TAF4B: variants seen among roughly 807,000 people sequenced by gnomAD.
TAF4B encodes TATA-box binding protein associated factor 4b.
TAF4B carries 38 observed loss-of-function variants against 86.4 expected under a neutral mutation model. That is an observed-to-expected ratio of 0.44 (90% CI 0.34 to 0.58). TAF4B has a LOEUF of 0.58. Among genes scored for constraint, TAF4B ranks in the 20% least tolerant of loss-of-function variants. The pLI, the probability that TAF4B is intolerant of heterozygous loss-of-function variation, is 0.02. For synonymous variants in TAF4B, 388 were observed against 391.2 expected, an observed-to-expected ratio of 0.99 and a Z score of 0.10; for missense variants, 988 against 1,027.6, an observed-to-expected ratio of 0.96 and a Z score of 0.53.
chr18:26,281,235 G>T (rs1399201111), intron 5 of TAF4B, among the ~76,000 whole-genome samples: 1 of 151,760 alleles, frequency 6.6e-6, no homozygotes, highest in African/African-American at 2.4e-5. Context: ...CCCCAAACTT[G>T]TACTTGTACC....
chr18:26,306,724 A>C (rs1319132572), intron 9 of TAF4B, among the ~76,000 whole-genome samples: 3 of 152,070 alleles, frequency 2.0e-5, no homozygotes, highest in African/African-American at 7.2e-5. Context: ...ATGTCTTTTT[A>C]AATTTAATTT....
At chr18:26,249,078 A>G (rs2055964645) in intron 1 of TAF4B, among the ~76,000 whole-genome samples, 1 of 151,598 alleles carries the variant, frequency 6.6e-6, no homozygotes, top group Admixed American at 6.6e-5. Context: ...AGGCTGAGGC[A>G]GGAGGATCAC....
intron 9 of TAF4B, among the ~76,000 whole-genome samples, chr18:26,302,096 A>G (rs1055715032): frequency 6.6e-6 from 1 of 152,068 alleles, no homozygotes; most frequent in African/African-American, 2.4e-5. Flanking sequence ...CAATTGTCTG[A>G]TTGTTTTGAG....
chr18:26,353,371 A>G (rs527365696), intron 13 of TAF4B, among the ~76,000 whole-genome samples: 15 of 152,360 alleles, frequency 9.8e-5, no homozygotes, highest in Non-Finnish European at 1.9e-4. Flanking sequence ...CAATTAATTT[A>G]GAAATATGTT....
chr18:26,243,354 C>T (rs988126400), intron 1 of TAF4B, among the ~76,000 whole-genome samples: 1 of 152,042 alleles, frequency 6.6e-6, no homozygotes, highest in African/African-American at 2.4e-5. Context: ...TCACTGATAC[C>T]CTTTCTTCCA....
rs58691265 is a variant in TAF4B, at chr18:26,315,095, ACTCTCT to A, written c.1833-89_1833-84del. On this transcript the variant is annotated intron_variant, in intron 9 of 14. Coordinates refer to ENST00000269142, the MANE Select transcript of TAF4B (RefSeq NM_005640.3). The stretch of plus-strand genomic sequence containing the variant: ...ACCTCTAATTCTTTTGCTCTCTGAA[ACTCTCT>A]CTCTCTCTCTCTCTCTCTCTCTCTC... 1,659 of 220,070 alleles carry A rather than the reference ACTCTCT, an allele frequency of 7.5e-3. 20 individuals carry two copies. The highest frequency in any genetic ancestry group is 0.047 in the Admixed American group (409 of 8,788). 13.6% of individuals were successfully genotyped at this position (220,070 alleles called of 1,614,324 possible). A position where few individuals can be genotyped will look rare whatever the true frequency, so the allele number is the denominator to read the frequency against.
At chr18:26,234,280 T>A (rs2055715767) in intron 1 of TAF4B, among the ~76,000 whole-genome samples, 1 of 152,220 alleles carries the variant, frequency 6.6e-6, no homozygotes, top group Non-Finnish European at 1.5e-5. Context: ...CCTTTTCTCC[T>A]TCACCTTTTT....
intron 14 of TAF4B, among the ~76,000 whole-genome samples, chr18:26,378,375 A>G (rs1436715813): frequency 6.6e-6 from 1 of 152,222 alleles, no homozygotes; most frequent in Non-Finnish European, 1.5e-5. Flanking sequence ...ATTTACAAAC[A>G]TCTTTTCACA....
chr18:26,315,192 CAA>C (rs1491038251), intron 9 of TAF4B, 35 bp from the exon 10 acceptor site: 4 of 1,333,540 alleles, frequency 3.0e-6, no homozygotes, highest in Admixed American at 2.2e-5. Context: ...CACACACACA[CAA>C]CCTAAAATGT....
At chr18:26,244,785 T>C (rs902884323) in intron 1 of TAF4B, among the ~76,000 whole-genome samples, 2 of 151,674 alleles carry the variant, frequency 1.3e-5, no homozygotes, top group Non-Finnish European at 2.9e-5. Flanking sequence ...TTTTTAGGAG[T>C]GGGAGTAGCC....
chr18:26,268,024 G>A (rs2056264228), intron 3 of TAF4B, among the ~76,000 whole-genome samples: 1 of 152,174 alleles, frequency 6.6e-6, no homozygotes, highest in African/African-American at 2.4e-5. Context: ...AGGATATATG[G>A]CCGGTCAGCA....
rs770315678 is a variant in TAF4B at position 26,292,296 on chromosome 18, A to G, written c.1641A>G (p.Ser547=). The change falls in exon 8 of 15, where the codon TCA becomes TCG. Residue 547 remains serine (S), a synonymous_variant. Coordinates refer to ENST00000269142, the MANE Select transcript of TAF4B (RefSeq NM_005640.3). ...GGNEKQVTTI[S]HSSTLTIQKC... ...ATGAAAAACAAGTGACCACAATTTC[A>G]CATTCCTCAACATTGACCATTCAGA... 4 of 1,614,060 alleles carry G rather than the reference A, an allele frequency of 2.5e-6. No individual in the cohort carries two copies. The highest frequency in any genetic ancestry group is 1.1e-5 in the South Asian group (1 of 91,072).
chr18:26,239,398 G>A (rs1263620543), intron 1 of TAF4B, among the ~76,000 whole-genome samples: 3 of 152,100 alleles, frequency 2.0e-5, no homozygotes, highest in Non-Finnish European at 4.4e-5. Flanking sequence ...CTTTTGAGAA[G>A]TGTCTGTTCA....
At chr18:26,285,627 T>C (rs999348345) in intron 6 of TAF4B, among the ~76,000 whole-genome samples, 2 of 152,190 alleles carry the variant, frequency 1.3e-5, no homozygotes, top group African/African-American at 4.8e-5. Context: ...GTTTACCAAA[T>C]TGATATTGAG....
chr18:26,250,174 C>T (rs532619820), intron 1 of TAF4B, among the ~76,000 whole-genome samples: 1 of 152,262 alleles, frequency 6.6e-6, no homozygotes, highest in African/African-American at 2.4e-5. Flanking sequence ...GCTGGGACCA[C>T]AGGCAGGTAC....
intron 14 of TAF4B, among the ~76,000 whole-genome samples, chr18:26,378,598 GAGGTAT>G (rs972250326): frequency 3.3e-5 from 5 of 152,060 alleles, no homozygotes; most frequent in African/African-American, 1.2e-4. Context: ...TTTTCAGATT[GAGGTAT>G]AATTTATATA....
intron 14 of TAF4B, among the ~76,000 whole-genome samples, chr18:26,385,479 TAGA>T (rs1978324269): frequency 6.6e-6 from 1 of 152,168 alleles, no homozygotes; most frequent in South Asian, 2.1e-4. Context: ...CTGGCAATTT[TAGA>T]AGATGTTAAC....
rs2056260166 is a variant in TAF4B, at chr18:26,267,690, T to G, written c.597+67T>G. ...CTTTTAAAAAAATCATTTAGCTATCTCCTGTTAGATATGTAAGTTACTGTG... is the reference window on the plus strand; with the variant it reads ...CTTTTAAAAAAATCATTTAGCTATCGCCTGTTAGATATGTAAGTTACTGTG... On this transcript the variant is annotated intron_variant, in intron 3 of 14. Transcript: ENST00000269142. 3.7e-6 allele frequency: 4 copies of G among 1,074,842 alleles called. No individual in the cohort carries two copies. In the Admixed American group the frequency reaches 5.2e-5, roughly 14 times the overall value. The allele number at this position is 1,074,842 out of a possible 1,614,324, so 66.6% of individuals were successfully genotyped here. A position where few individuals can be genotyped will look rare whatever the true frequency, so the allele number is the denominator to read the frequency against.
rs2056519480 is a variant in TAF4B, at chr18:26,286,158, C to T, written c.1249C>T (p.Pro417Ser). 39 of 1,614,004 alleles carry T rather than the reference C, an allele frequency of 2.4e-5. 1 individual carries two copies. The highest frequency in any genetic ancestry group is 3.2e-5 in the Non-Finnish European group (38 of 1,180,020). The change falls in exon 7 of 15, where the codon CCA becomes TCA. Residue 417 changes from proline to serine, a missense_variant. By Grantham distance (74) the Pro-to-Ser change is moderately conservative (BLOSUM62 -1). Coordinates refer to ENST00000269142, the MANE Select transcript of TAF4B (RefSeq NM_005640.3). ...AGVVTLHSVG[P>S]TAATGGTTAG... ...AGTTGTGACACTTCATTCTGTGGGC[C>T]CAACTGCTGCAACAGGAGGAACAAC...
Sources: gnomAD v4.1 joint callset for allele counts (sites outside exome capture counted in the v4.1 genomes callset) on GRCh38, gnomAD v4.1.1 for gene constraint, MANE v1.5 for transcripts, NCBI Gene and HGNC (gene_info 2026-07-23, HGNC 2026-07-21) for gene names.